MTUS1: variants seen among roughly 807,000 people sequenced by gnomAD.
MTUS1 encodes microtubule-associated tumor suppressor 1.
MTUS1 carries 109 observed loss-of-function variants against 120.8 expected under a neutral mutation model. The observed-to-expected ratio is 0.90, with a 90% confidence interval of 0.77 to 1.06. MTUS1 has a LOEUF of 1.06. Among genes scored for constraint, MTUS1 ranks in the 50% least tolerant of loss-of-function variants. The pLI, the probability that MTUS1 is intolerant of heterozygous loss-of-function variation, is 0.00. For missense variants in MTUS1, 2,210 were observed against 1,486.3 expected, an observed-to-expected ratio of 1.49 and a Z score of -8.01; for synonymous variants, 737 against 550.5, an observed-to-expected ratio of 1.34 and a Z score of -4.74.
intron 9 of MTUS1, 45 bp downstream of exon 9, chr8:17,655,818 A>C (rs780928664): frequency 7.7e-6 from 12 of 1,550,184 alleles, no homozygotes; most frequent in Non-Finnish European, 9.8e-6. Flanking sequence ...GGATTCAAGT[A>C]AGCAGCAGAG....
intron 8 of MTUS1, chr8:17,674,938 G>GAGAA (rs1812777655): frequency 7.9e-7 from 1 of 1,269,080 alleles, no homozygotes; most frequent in African/African-American, 1.5e-5. Context: ...TCTTCAGCAA[G>GAGAA]AGAAATATTT....
intron 8 of MTUS1, among the ~76,000 whole-genome samples, chr8:17,673,503 G>C: frequency 6.6e-6 from 1 of 152,168 alleles, no homozygotes; most frequent in East Asian, 1.9e-4. Context: ...CCAGACTGGA[G>C]GGCAGCAGCA....
rs1439402303 is a variant in MTUS1 at position 17,645,281 on chromosome 8, G to C, written c.*645C>G. 2 of 152,620 alleles carry C rather than the reference G, an allele frequency of 1.3e-5. No individual in the cohort carries two copies. Among genetic ancestry groups the C allele is most frequent in the South Asian group, 4.1e-4 (2 of 4,832 alleles). 9.5% of individuals were successfully genotyped at this position (152,620 alleles called of 1,614,324 possible). A position where few individuals can be genotyped will look rare whatever the true frequency, so the allele number is the denominator to read the frequency against. On this transcript the variant is annotated 3_prime_UTR_variant, in exon 15 of 15. Coordinates refer to ENST00000693296, the MANE Select transcript of MTUS1 (RefSeq NM_001363059.2). ...ACAGGGACAAGTCAAAGCTCTTCCTGTTATACCCTCTCCCTACCCTGTTAC... is the reference window on the plus strand; with the variant it reads ...ACAGGGACAAGTCAAAGCTCTTCCTCTTATACCCTCTCCCTACCCTGTTAC...
At chr8:17,672,753 G>A (rs1563175029) in intron 8 of MTUS1, among the ~76,000 whole-genome samples, 1 of 152,168 alleles carries the variant, frequency 6.6e-6, no homozygotes, top group Non-Finnish European at 1.5e-5. Flanking sequence ...GCCACCCACT[G>A]TACCAACACT....
chr8:17,657,970 C>T (rs1808798391), intron 8 of MTUS1, among the ~76,000 whole-genome samples: 1 of 149,136 alleles, frequency 6.7e-6, no homozygotes, highest in Non-Finnish European at 1.5e-5. Context: ...TATATACATG[C>T]ATATACATAT....
chr8:17,699,904 A>T (rs1563225713), intron 6 of MTUS1, among the ~76,000 whole-genome samples: 1 of 152,224 alleles, frequency 6.6e-6, no homozygotes, highest in South Asian at 2.1e-4. Context: ...AACTATTTTT[A>T]TACTATATAT....
intron 1 of MTUS1, among the ~76,000 whole-genome samples, chr8:17,759,103 G>C (rs904132277): frequency 6.6e-6 from 1 of 151,520 alleles, no homozygotes; most frequent in African/African-American, 2.4e-5. Flanking sequence ...GCATGGTCTT[G>C]ATCTCCTGAC....
At chr8:17,706,026 T>C (rs1820090445) in intron 6 of MTUS1, 1 of 152,154 alleles carries the variant, frequency 6.6e-6, no homozygotes, top group African/African-American at 2.4e-5. Flanking sequence ...GTCATAACGT[T>C]TAAATAAATT....
At chr8:17,776,324 A>T (rs987820741) in intron 1 of MTUS1, among the ~76,000 whole-genome samples, 7 of 151,264 alleles carry the variant, frequency 4.6e-5, no homozygotes, top group African/African-American at 1.7e-4. Flanking sequence ...AGATTTTGGT[A>T]TTGACGGTGG....
chr8:17,669,256 G>C (rs940312229), intron 8 of MTUS1, among the ~76,000 whole-genome samples: 1 of 152,202 alleles, frequency 6.6e-6, no homozygotes, highest in Non-Finnish European at 1.5e-5. Context: ...TTTTAGCTAA[G>C]ACTTAAAAAC....
intron 6 of MTUS1, chr8:17,697,209 G>A: frequency 1.3e-6 from 2 of 1,531,336 alleles, no homozygotes; most frequent in Non-Finnish European, 1.8e-6. Flanking sequence ...GCAAATTAAT[G>A]AAGACATCCC....
chr8:17,738,574 G>GTTTTAAGTTCCGGGGTACATGTGCA (rs2047091075), intron 3 of MTUS1, among the ~76,000 whole-genome samples: 1 of 152,090 alleles, frequency 6.6e-6, no homozygotes, highest in East Asian at 1.9e-4. Context: ...ATTTTTTATT[G>GTTTTAAGTTCCGGGGTACATGTGCA]TTTTAAGTTC....
chr8:17,779,466 G>A (rs1307294264), intron 1 of MTUS1, among the ~76,000 whole-genome samples: 1 of 152,142 alleles, frequency 6.6e-6, no homozygotes, highest in Non-Finnish European at 1.5e-5. Flanking sequence ...CCATGTTCTG[G>A]TGTTTAAAAG....
In MTUS1 at chr8:17,654,659, T is replaced by C. The variant is rs773225250; in HGVS notation, c.3116A>G (p.Asn1039Ser). ...AGAGGTTTCATGCGCAGCATTTAAGTTGTCAAACTGTAAGCAACAAACAAA... is the reference window on the plus strand; with the variant it reads ...AGAGGTTTCATGCGCAGCATTTAAGCTGTCAAACTGTAAGCAACAAACAAA... ...YKMQLQEQFD[N>S]LNAAHETSKL... Residue 1039 changes from asparagine (N) to serine (S), a missense_variant, in exon 10 of 15, where the codon AAC (asparagine) becomes AGC (serine). By Grantham distance (46) the Asn-to-Ser change is conservative. Transcript: ENST00000693296. 46 of 1,612,868 alleles carry C rather than the reference T, an allele frequency of 2.9e-5. No homozygotes were observed. The Admixed American group carries it at 7.3e-4, about 26-fold the overall frequency.
chr8:17,770,828 TAAAC>T (rs776189263), intron 1 of MTUS1, among the ~76,000 whole-genome samples: 12 of 152,138 alleles, frequency 7.9e-5, no homozygotes, highest in African/African-American at 1.9e-4. Context: ...AATAAAACTG[TAAAC>T]AAACAAAAAC....
intron 6 of MTUS1, among the ~76,000 whole-genome samples, chr8:17,700,636 T>G (rs572956020): frequency 2.0e-5 from 3 of 152,064 alleles, no homozygotes; most frequent in South Asian, 4.2e-4. Context: ...CTCTGGGAGG[T>G]AGAAGAGGGA....
In MTUS1 at chr8:17,789,026, TTTTAG is replaced by T. The variant is rs72557438; in HGVS notation, c.-155+12030_-155+12034del. ...GATTTGATGTACAGACTGTGCATGC[TTTTAG>T]TTGTCTTTTTTTTTTTTTGAGACGG... On this transcript the variant is annotated intron_variant, in intron 1 of 14. Transcript: ENST00000693296. Among the ~76,000 whole-genome samples, 746 of 151,444 alleles carry T rather than the reference TTTTAG, an allele frequency of 4.9e-3. 8 individuals are homozygous for T. The highest frequency in any genetic ancestry group is 0.018 in the African/African-American group (722 of 40,872).
chr8:17,762,196 TG>T (rs1401743420), intron 1 of MTUS1, among the ~76,000 whole-genome samples: 1 of 152,096 alleles, frequency 6.6e-6, no homozygotes, highest in Admixed American at 6.5e-5. Flanking sequence ...GGAGAATCAC[TG>T]GAACTCAGGA....
intron 3 of MTUS1, among the ~76,000 whole-genome samples, chr8:17,732,052 G>A (rs2046621104): frequency 1.3e-5 from 2 of 152,176 alleles, no homozygotes; most frequent in Non-Finnish European, 2.9e-5. Context: ...AGAGGAGGAG[G>A]TCCCTGCCCT....
Sources: gnomAD v4.1 joint callset for allele counts (sites outside exome capture counted in the v4.1 genomes callset) on GRCh38, gnomAD v4.1.1 for gene constraint, MANE v1.5 for transcripts, NCBI Gene and HGNC (gene_info 2026-07-23, HGNC 2026-07-21) for gene names.